Variants in SYNJ1 observed in about 807,000 individuals in gnomAD.
The protein encoded by SYNJ1 is synaptojanin 1.
In SYNJ1, 78 loss-of-function variants were observed where a neutral mutation model predicts 168.2. The observed-to-expected ratio is 0.46, with a 90% confidence interval of 0.39 to 0.56. SYNJ1 has a LOEUF of 0.56. Among genes scored for constraint, SYNJ1 ranks in the 20% least tolerant of loss-of-function variants. SYNJ1 has a pLI of 0.00. For synonymous variants in SYNJ1, 539 were observed against 548.6 expected (o/e 0.98, Z 0.24); for missense variants, 1,303 against 1,597.6 (o/e 0.82, Z 3.14).
chr21:32,673,256 T>C (rs757246520), intron 14 of SYNJ1, 84 bp downstream of exon 14: 61 of 1,203,072 alleles, frequency 5.1e-5, no homozygotes, highest in Non-Finnish European at 6.5e-5. Context: ...AATTAATGCA[T>C]CCTCTGAAGT....
rs571487188 is a variant in SYNJ1 at position 32,653,427 on chromosome 21, A to C, written c.2796-61T>G. 423 of 1,283,128 alleles carry C rather than the reference A, an allele frequency of 3.3e-4. 2 individuals carry two copies. The highest frequency in any genetic ancestry group is 9.3e-4 in the Admixed American group (52 of 56,024). The allele number at this position is 1,283,128 out of a possible 1,614,324, so 79.5% of individuals were successfully genotyped here. ...CATAGACATAACAAGCTCAGTGACT[A>C]CTCCCATGATTATTGATCATTAACA... On this transcript the variant is annotated intron_variant, in intron 21 of 32. Coordinates refer to ENST00000674351, the MANE Select transcript of SYNJ1 (RefSeq NM_203446.3).
chr21:32,712,111 C>T lies in SYNJ1; in HGVS notation c.125-10064G>A, dbSNP rs1355320856. Among the ~76,000 whole-genome samples, 7 of 152,282 alleles carry T rather than the reference C, an allele frequency of 4.6e-5. No homozygotes were observed. The South Asian group carries it at 1.0e-3, about 23-fold the overall frequency. ...CCTTGCAGTCTGAGAATACACTGTT[C>T]TTCCCCAGCTGATACAGAAGACTAA... On this transcript the variant is annotated intron_variant, in intron 2 of 32. Coordinates refer to ENST00000674351, the MANE Select transcript of SYNJ1 (RefSeq NM_203446.3).
chr21:32,706,186 A>C (rs2042601406), intron 2 of SYNJ1, among the ~76,000 whole-genome samples: 1 of 152,206 alleles, frequency 6.6e-6, no homozygotes, highest in South Asian at 2.1e-4. Flanking sequence ...CACTTTCAAC[A>C]TTTTTAAGGC....
In SYNJ1 at chr21:32,646,487, G is replaced by A. The variant is rs778741305; in HGVS notation, c.3153C>T (p.Cys1051=). 1 of 1,614,130 alleles carries A rather than the reference G, an allele frequency of 6.2e-7. No individual in the cohort carries two copies. Among genetic ancestry groups the A allele is most frequent in the Non-Finnish European group, 8.5e-7 (1 of 1,179,996 alleles). ...GACCCTCTGATATTGTAGGTGACTG[G>A]CAGGGACTAGTTCGGGGTGAAGAGC... ...SPSSSPRTSP[C]QSPTISEGPV... Residue 1051 remains cysteine (C), a synonymous_variant, in exon 24 of 33, where the codon TGC becomes TGT. Coordinates refer to ENST00000674351, the MANE Select transcript of SYNJ1 (RefSeq NM_203446.3).
rs1218143794 is a variant in SYNJ1 at position 32,639,780 on chromosome 21, C to CTACAGATAGGAAACA, written c.3589-16_3589-2dup. On this transcript the variant is annotated splice_acceptor_variant, in intron 29 of 32. Transcript: ENST00000674351. LOFTEE classifies it high-confidence loss of function. ...TAACTCCAGCACGAGGAGGAATCGT[C>CTACAGATAGGAAACA]TACAGATAGGAAACATAACACTTGA... is the stretch of plus-strand genomic sequence containing the variant. 1 of 1,612,952 alleles carries CTACAGATAGGAAACA rather than the reference C, an allele frequency of 6.2e-7. No homozygotes were observed. The highest frequency in any genetic ancestry group is 1.7e-4 in the Middle Eastern group (1 of 6,056).
intron 32 of SYNJ1, among the ~76,000 whole-genome samples, chr21:32,633,556 A>G (rs957281852): frequency 3.9e-5 from 6 of 152,202 alleles, no homozygotes; most frequent in Admixed American, 3.3e-4. Context: ...TCAGTTCAAG[A>G]CTGGCAATGT....
intron 22 of SYNJ1, 107 bp downstream of exon 22, chr21:32,653,181 C>A: frequency 1.2e-6 from 1 of 859,356 alleles, no homozygotes; most frequent in Non-Finnish European, 1.9e-6. Flanking sequence ...ACCATAAGGT[C>A]TTTTCCCCTC....
chr21:32,709,382 C>T (rs1044184574), intron 2 of SYNJ1, among the ~76,000 whole-genome samples: 2 of 145,246 alleles, frequency 1.4e-5, no homozygotes, highest in Admixed American at 7.3e-5. Flanking sequence ...GAGGCTACGG[C>T]AGGAGAATCA....
chr21:32,673,606 A>T, intron 13 of SYNJ1, 75 bp from the exon 14 acceptor site: 1 of 1,300,520 alleles, frequency 7.7e-7, no homozygotes. Flanking sequence ...TAACTGAGAT[A>T]CGATGTCCGC....
chr21:32,671,829 G>A (rs937013693), intron 14 of SYNJ1, among the ~76,000 whole-genome samples: 3 of 151,904 alleles, frequency 2.0e-5, no homozygotes, highest in Admixed American at 6.6e-5. Context: ...AAGCCGAGGC[G>A]GGTGGATCAC....
chr21:32,646,008 G>A, intron 24 of SYNJ1: 1 of 817,996 alleles, frequency 1.2e-6, no homozygotes, highest in South Asian at 1.4e-5. Flanking sequence ...TTCTTACCTA[G>A]GCCTCAGGTG....
At chr21:32,657,282 G>A (rs972350563) in intron 19 of SYNJ1, among the ~76,000 whole-genome samples, 162 bp from the exon 20 acceptor site, 4 of 152,178 alleles carry the variant, frequency 2.6e-5, no homozygotes, top group Non-Finnish European at 1.5e-5. Context: ...CTTTAAATTC[G>A]AAAGGTTTTG....
intron 15 of SYNJ1, among the ~76,000 whole-genome samples, chr21:32,666,983 C>CT (rs2040960564): frequency 6.6e-6 from 1 of 152,034 alleles, no homozygotes; most frequent in Non-Finnish European, 1.5e-5. Context: ...TTGCATATAA[C>CT]CCATGTAAAT....
chr21:32,634,815 T>C (rs1601210370), intron 32 of SYNJ1, 46 bp downstream of exon 32: 8 of 1,604,772 alleles, frequency 5.0e-6, no homozygotes, highest in Non-Finnish European at 6.0e-6. Context: ...ATCTAATGTG[T>C]TGAGACGGAT....
At chr21:32,723,541 C>T (rs1036232377) in intron 2 of SYNJ1, among the ~76,000 whole-genome samples, 9 of 152,078 alleles carry the variant, frequency 5.9e-5, no homozygotes, top group African/African-American at 2.2e-4. Flanking sequence ...GTCTTGGCTG[C>T]GAGCAGTGGC....
intron 16 of SYNJ1, 59 bp from the exon 17 acceptor site, chr21:32,666,194 G>A: frequency 1.3e-6 from 2 of 1,532,340 alleles, no homozygotes; most frequent in Non-Finnish European, 1.8e-6. Context: ...CATGTGCATA[G>A]GAAATGAGGA....
chr21:32,670,817 T>C, intron 14 of SYNJ1: 15 of 985,088 alleles, frequency 1.5e-5, no homozygotes, highest in Non-Finnish European at 1.8e-5. Context: ...AAACATAATC[T>C]TGATCTTTTT....
Position 32,687,019 on chromosome 21 carries a change from C to A in SYNJ1, c.907G>T (p.Gly303Ter). 6.5e-7 allele frequency: 1 copy of A among 1,548,798 alleles called. No homozygotes were observed. Among genetic ancestry groups the A allele is most frequent in the African/African-American group, 1.4e-5 (1 of 70,638 alleles). Residue 303 changes from glycine (G) to a stop codon, truncating the protein, a stop_gained, in exon 8 of 33, where the codon GGA (glycine) becomes TGA (stop). Coordinates refer to ENST00000674351, the MANE Select transcript of SYNJ1 (RefSeq NM_203446.3). LOFTEE classifies it high-confidence loss of function. Reference sequence around the variant, plus strand: ...AGCATATGTTCACCTTCCTTAGATCCAAGCAAATTTACTATTATTTGTTTA... The same window carrying A: ...AGCATATGTTCACCTTCCTTAGATCAAAGCAAATTTACTATTATTTGTTTA... Reference protein sequence around the residue: ...YGKQIIVNLLGSKEGEHMLSK... With the variant: ...YGKQIIVNLL
At chr21:32,636,835 G>A (rs1012966159) in intron 31 of SYNJ1, among the ~76,000 whole-genome samples, 3 of 151,916 alleles carry the variant, frequency 2.0e-5, no homozygotes, top group African/African-American at 7.3e-5. Flanking sequence ...TAATATTAAG[G>A]AGTTTGATAT....
Sources: allele counts gnomAD v4.1 joint callset (sites outside exome capture counted in the v4.1 genomes callset), GRCh38; gene constraint gnomAD v4.1.1; transcripts MANE v1.5; gene names NCBI Gene and HGNC (gene_info 2026-07-23, HGNC 2026-07-21).